PIP5K1B: variants seen among roughly 807,000 people sequenced by gnomAD.
The protein encoded by PIP5K1B is phosphatidylinositol 4-phosphate 5-kinase type-1 beta.
In PIP5K1B, 42 loss-of-function variants were observed where a neutral mutation model predicts 67.0. The observed-to-expected ratio is 0.63, with a 90% CI of 0.49 to 0.81. The LOEUF is 0.81. PIP5K1B is among the 30% of genes least tolerant of loss of function. The pLI is 0.00. For synonymous variants in PIP5K1B, 214 were observed against 231.4 expected (o/e 0.92, Z 0.68); for missense variants, 459 against 646.3 (o/e 0.71, Z 3.14).
At chr9:68,927,824 T>C (rs1182654795) in intron 12 of PIP5K1B, among the ~76,000 whole-genome samples, 2 of 152,192 alleles carry the variant, frequency 1.3e-5, no homozygotes, top group African/African-American at 4.8e-5. Context: ...AAGCATTGCC[T>C]AACCCAAGGT....
intron 4 of PIP5K1B, among the ~76,000 whole-genome samples, chr9:68,843,855 G>C (rs1027336332): frequency 6.6e-6 from 1 of 152,118 alleles, no homozygotes; most frequent in African/African-American, 2.4e-5. Context: ...TCTGATATTC[G>C]TACTGGGAGA....
At chr9:68,791,357 G>T (rs1220494519) in intron 2 of PIP5K1B, among the ~76,000 whole-genome samples, 1 of 152,166 alleles carries the variant, frequency 6.6e-6, no homozygotes, top group African/African-American at 2.4e-5. Context: ...ATTTGGGAGG[G>T]AGTGGGAGTG....
Position 68,758,842 on chromosome 9 carries a change from GAA to G in PIP5K1B, c.-86+16190_-86+16191del, listed in dbSNP as rs200400817. Among the ~76,000 whole-genome samples the G allele has an allele frequency of 1.4e-4, 22 of 151,992 alleles. No individual in the cohort carries two copies. The East Asian group carries it at 4.3e-3, about 29-fold the overall frequency. On this transcript the variant is annotated intron_variant, in intron 2 of 15. Transcript: ENST00000265382. ...TCAAACTGCTGAAAACCCAAGACAA[GAA>G]AAAATCTCGAAAACAGAGGAAAAGA...
At chr9:68,789,741 T>C in intron 2 of PIP5K1B, 1 of 238,862 alleles carries the variant, frequency 4.2e-6, no homozygotes, top group South Asian at 5.2e-5. Flanking sequence ...TCTGCAGATT[T>C]TCAACCCCAT....
At chr9:69,006,649 G>A (rs953305414) in intron 15 of PIP5K1B, among the ~76,000 whole-genome samples, 8 of 152,104 alleles carry the variant, frequency 5.3e-5, no homozygotes, top group Non-Finnish European at 8.8e-5. Context: ...CCATTCCCCT[G>A]GGGTCCTGGC....
intron 6 of PIP5K1B, among the ~76,000 whole-genome samples, chr9:68,881,451 C>G (rs936490626): frequency 6.6e-6 from 1 of 152,202 alleles, no homozygotes; most frequent in Non-Finnish European, 1.5e-5. Flanking sequence ...TGGGGCTACT[C>G]AAACCCACAC....
rs758016086 is a variant in PIP5K1B, at chr9:68,821,645, GA to G, written c.1-967del. Among the ~76,000 whole-genome samples, 210 of 152,270 alleles carry G rather than the reference GA, an allele frequency of 1.4e-3. 2 individuals are homozygous for G. The highest frequency in any genetic ancestry group is 2.5e-3 in the Non-Finnish European group (172 of 68,020). The stretch of plus-strand genomic sequence containing the variant: ...CAGTGTGAATGAGTATACTCTTCTG[GA>G]AATAAATTTACCAATATGTAGTAAA... On this transcript the variant is annotated intron_variant, in intron 3 of 15. Transcript: ENST00000265382.
intron 1 of PIP5K1B, among the ~76,000 whole-genome samples, chr9:68,733,244 C>A (rs1468549528): frequency 1.3e-5 from 2 of 152,208 alleles, no homozygotes; most frequent in African/African-American, 4.8e-5. Flanking sequence ...CAGTATGGCA[C>A]TAGGTGCTGG....
intron 14 of PIP5K1B, among the ~76,000 whole-genome samples, chr9:68,963,638 A>G (rs1418442842): frequency 1.3e-5 from 2 of 152,200 alleles, no homozygotes; most frequent in Non-Finnish European, 2.9e-5. Flanking sequence ...GTCCCTGCCA[A>G]TGATAATTTG....
intron 11 of PIP5K1B, among the ~76,000 whole-genome samples, chr9:68,920,793 T>TACACACACACAC (rs879535374): frequency 1.5e-3 from 201 of 133,604 alleles, no homozygotes; most frequent in East Asian, 4.4e-3. Context: ...CTCACACACA[T>TACACACACACAC]ACACACACAT....
At chr9:68,829,051 G>A (rs900249351) in intron 4 of PIP5K1B, among the ~76,000 whole-genome samples, 7 of 152,212 alleles carry the variant, frequency 4.6e-5, no homozygotes, top group African/African-American at 1.2e-4. Context: ...GCAGTGAGCC[G>A]AGATCACGCC....
chr9:68,727,912 C>T (rs1828233724), intron 1 of PIP5K1B, among the ~76,000 whole-genome samples: 1 of 152,162 alleles, frequency 6.6e-6, no homozygotes. Flanking sequence ...AGATACTTAA[C>T]TTTAGTTCAT....
At chr9:68,862,209 T>C (rs1015010984) in intron 4 of PIP5K1B, among the ~76,000 whole-genome samples, 2 of 152,196 alleles carry the variant, frequency 1.3e-5, no homozygotes, top group Admixed American at 6.5e-5. Flanking sequence ...TAACTGAAGA[T>C]GACACTGCCT....
At chr9:68,875,645 C>T (rs1478107112) in intron 5 of PIP5K1B, among the ~76,000 whole-genome samples, 1 of 151,962 alleles carries the variant, frequency 6.6e-6, no homozygotes, top group Non-Finnish European at 1.5e-5. Flanking sequence ...TGTCATTTGC[C>T]CAGTCCTTTT....
chr9:68,976,306 A>G (rs975778122), intron 14 of PIP5K1B, among the ~76,000 whole-genome samples: 7 of 152,214 alleles, frequency 4.6e-5, no homozygotes, highest in African/African-American at 1.7e-4. Context: ...TGCCACTCTG[A>G]TCTCAAACTT....
intron 4 of PIP5K1B, among the ~76,000 whole-genome samples, chr9:68,844,613 G>A (rs1313840196): frequency 3.8e-5 from 3 of 79,138 alleles, no homozygotes; most frequent in African/African-American, 1.2e-4. Context: ...GATCCAATGG[G>A]GGAGATCTAA....
At chr9:68,889,603 T>C (rs887710031) in intron 7 of PIP5K1B, among the ~76,000 whole-genome samples, 8 of 151,866 alleles carry the variant, frequency 5.3e-5, no homozygotes, top group South Asian at 2.1e-4. Context: ...GGCGTGGTGG[T>C]GGGCGCCTGT....
At chr9:68,893,865 T>G (rs982846002) in intron 7 of PIP5K1B, among the ~76,000 whole-genome samples, 2 of 152,258 alleles carry the variant, frequency 1.3e-5, no homozygotes, top group Non-Finnish European at 1.5e-5. Flanking sequence ...ACAAAGATTT[T>G]AAAGTTTGGG....
intron 5 of PIP5K1B, among the ~76,000 whole-genome samples, chr9:68,873,428 C>T (rs1484388898): frequency 1.3e-5 from 2 of 151,706 alleles, no homozygotes; most frequent in African/African-American, 4.8e-5. Flanking sequence ...GCCGGGACTA[C>T]AGATGTGCAC....
Sources: allele counts gnomAD v4.1 joint callset (sites outside exome capture counted in the v4.1 genomes callset), GRCh38; gene constraint gnomAD v4.1.1; transcripts MANE v1.5; gene names NCBI Gene and HGNC (gene_info 2026-07-23, HGNC 2026-07-21).